CCDC85A: variants seen among roughly 807,000 people sequenced by gnomAD.
CCDC85A encodes coiled-coil domain containing 85A.
Under a neutral mutation model 50.2 loss-of-function variants are expected in CCDC85A, and 38 were observed. The ratio of observed to expected loss-of-function variants is 0.76; its 90% CI spans 0.58 to 0.99. The LOEUF is 0.99. CCDC85A is among the 50% of genes least tolerant of loss of function. The pLI is 0.00. For missense variants in CCDC85A, 820 were observed against 742.0 expected (o/e 1.11, Z -1.22); for synonymous variants, 366 against 301.4 (o/e 1.21, Z -2.22).
At chr2:56,338,718 G>T (rs1674206080) in intron 2 of CCDC85A, among the ~76,000 whole-genome samples, 1 of 151,974 alleles carries the variant, frequency 6.6e-6, no homozygotes, top group African/African-American at 2.4e-5. Context: ...AAATCCCAAG[G>T]GTTTAACGAA....
chr2:56,352,855 C>G (rs1675024130), intron 3 of CCDC85A, among the ~76,000 whole-genome samples: 1 of 152,024 alleles, frequency 6.6e-6, no homozygotes, highest in East Asian at 1.9e-4. Context: ...GTTTTTAGAC[C>G]AGGAGGACAC....
chr2:56,325,311 G>A (rs1011157043), intron 2 of CCDC85A, among the ~76,000 whole-genome samples: 3 of 152,034 alleles, frequency 2.0e-5, no homozygotes, highest in African/African-American at 7.2e-5. Flanking sequence ...AGTTACTTTA[G>A]GTGTAGAGAA....
chr2:56,266,589 C>A (rs1339000743), intron 2 of CCDC85A, among the ~76,000 whole-genome samples: 1 of 138,210 alleles, frequency 7.2e-6, no homozygotes, highest in African/African-American at 2.6e-5. Flanking sequence ...CCCCCCCCCC[C>A]CATAATCTTC....
chr2:56,353,608 G>T (rs545307932), intron 3 of CCDC85A, among the ~76,000 whole-genome samples: 2 of 152,304 alleles, frequency 1.3e-5, no homozygotes, highest in African/African-American at 4.8e-5. Flanking sequence ...TGAATTGGTT[G>T]TATCTAGTTG....
At chr2:56,265,872 G>A (rs1573131123) in intron 2 of CCDC85A, among the ~76,000 whole-genome samples, 1 of 152,142 alleles carries the variant, frequency 6.6e-6, no homozygotes, top group East Asian at 1.9e-4. Context: ...ATTCATAGTA[G>A]CTAAAATATG....
chr2:56,318,735 A>G (rs974593173), intron 2 of CCDC85A, among the ~76,000 whole-genome samples: 1 of 152,272 alleles, frequency 6.6e-6, no homozygotes, highest in East Asian at 1.9e-4. Flanking sequence ...ACTCCAAAAC[A>G]TAAGGCATTC....
chr2:56,218,805 T>C (rs1179577456), intron 2 of CCDC85A, among the ~76,000 whole-genome samples: 3 of 151,778 alleles, frequency 2.0e-5, no homozygotes, highest in African/African-American at 4.8e-5. Context: ...CAAGGAGAGA[T>C]TGGGCAAAAT....
At chr2:56,262,855 T>C (rs1247752042) in intron 2 of CCDC85A, among the ~76,000 whole-genome samples, 1 of 152,244 alleles carries the variant, frequency 6.6e-6, no homozygotes, top group Non-Finnish European at 1.5e-5. Flanking sequence ...CACATATATG[T>C]AACCAGGGCA....
At chr2:56,329,945 GTTTTTT>G (rs535050957) in intron 2 of CCDC85A, among the ~76,000 whole-genome samples, 17 of 44,158 alleles carry the variant, frequency 3.8e-4, no homozygotes, top group African/African-American at 1.1e-3. Flanking sequence ...CAGATTTCCT[GTTTTTT>G]TTTTTTTTTT....
intron 2 of CCDC85A, among the ~76,000 whole-genome samples, chr2:56,317,910 T>C (rs1672993904): frequency 1.3e-5 from 2 of 152,114 alleles, no homozygotes; most frequent in Non-Finnish European, 2.9e-5. Context: ...ACTAACCAGA[T>C]TACCACAGAG....
intron 2 of CCDC85A, among the ~76,000 whole-genome samples, chr2:56,300,882 A>T (rs927098725): frequency 6.6e-6 from 1 of 152,168 alleles, no homozygotes; most frequent in South Asian, 2.1e-4. Context: ...ATCTTGCTTT[A>T]CAAACCTGGT....
At chr2:56,343,327 A>G (rs1209898745) in intron 3 of CCDC85A, among the ~76,000 whole-genome samples, 1 of 152,218 alleles carries the variant, frequency 6.6e-6, no homozygotes, top group Non-Finnish European at 1.5e-5. Flanking sequence ...AAACTTGCTA[A>G]TTTCTGAACT....
intron 2 of CCDC85A, among the ~76,000 whole-genome samples, chr2:56,194,610 T>C (rs1676454164): frequency 6.6e-6 from 1 of 152,200 alleles, no homozygotes; most frequent in Admixed American, 6.5e-5. Flanking sequence ...TTGGATTCCA[T>C]TTTATCCTAA....
At chr2:56,281,380 T>G (rs895230657) in intron 2 of CCDC85A, among the ~76,000 whole-genome samples, 2 of 152,202 alleles carry the variant, frequency 1.3e-5, no homozygotes, top group Non-Finnish European at 2.9e-5. Flanking sequence ...CTGAATAAAG[T>G]CATGGACATA....
At chr2:56,357,830 A>G (rs1260345709) in intron 3 of CCDC85A, among the ~76,000 whole-genome samples, 1 of 152,092 alleles carries the variant, frequency 6.6e-6, no homozygotes, top group African/African-American at 2.4e-5. Flanking sequence ...ACAATACAAT[A>G]TGGAGACCCA....
chr2:56,264,027 A>C (rs1670330487), intron 2 of CCDC85A, among the ~76,000 whole-genome samples: 2 of 152,196 alleles, frequency 1.3e-5, no homozygotes, highest in Non-Finnish European at 2.9e-5. Flanking sequence ...TCACAAAAAA[A>C]TTTCACAATG....
intron 3 of CCDC85A, among the ~76,000 whole-genome samples, chr2:56,347,212 C>T (rs1674672231): frequency 6.6e-6 from 1 of 152,118 alleles, no homozygotes; most frequent in Admixed American, 6.5e-5. Context: ...ATAGGACAAC[C>T]CCCCTTTTCA....
At position 56,372,428 on chromosome 2, in the gene CCDC85A, C is replaced by G; in HGVS notation, c.1402C>G (p.Gln468Glu). The G allele has an allele frequency of 6.2e-7, 1 of 1,608,950 alleles. No individual in the cohort carries two copies. Among genetic ancestry groups the G allele is most frequent in the South Asian group, 1.1e-5 (1 of 89,882 alleles). ...GGGGTCCAGAGCCCGGCGGGTCTTG[C>G]AGTGGTGGCAAGGGTGCCGAGGAAT... ...GWGSRARRVL[Q>E]WWQGCRGIGR... is the part of the protein sequence containing the mutation. The change falls in exon 4 of 6, where the codon CAG (glutamine) becomes GAG (glutamate). Residue 468 changes from glutamine (Q) to glutamate (E), a missense_variant. Gln to Glu is a conservative substitution (Grantham distance 29, BLOSUM62 2). Transcript: ENST00000407595.
chr2:56,306,172 C>T (rs893507825), intron 2 of CCDC85A, among the ~76,000 whole-genome samples: 4 of 152,106 alleles, frequency 2.6e-5, no homozygotes, highest in African/African-American at 7.2e-5. Flanking sequence ...TCTTGTCGCC[C>T]AGGCTGGAGT....
Sources: allele counts gnomAD v4.1 joint callset (sites outside exome capture counted in the v4.1 genomes callset), GRCh38; gene constraint gnomAD v4.1.1; transcripts MANE v1.5; gene names NCBI Gene and HGNC (gene_info 2026-07-23, HGNC 2026-07-21).